The following NCAM2 variants were observed in gnomAD, a reference collection of about 807,000 sequenced individuals.
The protein encoded by NCAM2 is N-CAM-2.
In NCAM2, 30 loss-of-function variants were observed where a neutral mutation model predicts 98.1. The ratio of observed to expected loss-of-function variants is 0.31; its 90% CI spans 0.23 to 0.41. The LOEUF (loss-of-function observed/expected upper bound fraction) is 0.41. Among genes scored for constraint, NCAM2 ranks in the 10% least tolerant of loss-of-function variants. NCAM2 has a pLI of 1.00. For synonymous variants in NCAM2, 368 were observed against 342.4 expected, an observed-to-expected ratio of 1.07 and a Z score of -0.83; for missense variants, 867 against 1,005.8, an observed-to-expected ratio of 0.86 and a Z score of 1.87.
chr21:21,512,698 C>T (rs1055199215), intron 16 of NCAM2, among the ~76,000 whole-genome samples: 13 of 151,856 alleles, frequency 8.6e-5, no homozygotes, highest in African/African-American at 2.9e-4. Flanking sequence ...ATTTTGACAA[C>T]ATTTATTGTT....
intron 8 of NCAM2, 36 bp downstream of exon 8, chr21:21,338,570 C>A: frequency 2.0e-6 from 3 of 1,500,770 alleles, no homozygotes; most frequent in Non-Finnish European, 2.7e-6. Flanking sequence ...TTTCCATTAC[C>A]ATGCAATTTC....
chr21:21,346,993 CA>C, intron 8 of NCAM2, among the ~76,000 whole-genome samples: 1 of 151,294 alleles, frequency 6.6e-6, no homozygotes, highest in South Asian at 2.1e-4. Flanking sequence ...AAACCAAACA[CA>C]AAATTAGTAG....
intron 12 of NCAM2, among the ~76,000 whole-genome samples, chr21:21,458,686 T>C (rs1230677678): frequency 6.6e-6 from 1 of 152,148 alleles, no homozygotes; most frequent in African/African-American, 2.4e-5. Flanking sequence ...CAAATAAAAT[T>C]GTGTTGTTTA....
At chr21:21,394,991 A>G (rs1210166375) in intron 9 of NCAM2, among the ~76,000 whole-genome samples, 1 of 152,126 alleles carries the variant, frequency 6.6e-6, no homozygotes. Flanking sequence ...CAGGTGCTGT[A>G]GAAGAACTGT....
intron 8 of NCAM2, among the ~76,000 whole-genome samples, chr21:21,340,395 T>C (rs569055906): frequency 6.6e-6 from 1 of 152,116 alleles, no homozygotes; most frequent in South Asian, 2.1e-4. Flanking sequence ...AAAGCTGTTA[T>C]ATTTTATTCT....
intron 1 of NCAM2, among the ~76,000 whole-genome samples, chr21:21,185,397 A>G (rs1300431751): frequency 6.6e-6 from 1 of 152,112 alleles, no homozygotes; most frequent in Non-Finnish European, 1.5e-5. Flanking sequence ...TTTCATCTTT[A>G]GCTAACTTTC....
intron 8 of NCAM2, among the ~76,000 whole-genome samples, chr21:21,361,825 C>A (rs888883510): frequency 6.6e-6 from 1 of 152,060 alleles, no homozygotes; most frequent in African/African-American, 2.4e-5. Context: ...TAAGTGGTGT[C>A]TTTTTCTGTT....
chr21:21,325,037 AT>A (rs566188376), intron 6 of NCAM2, among the ~76,000 whole-genome samples: 5 of 128,768 alleles, frequency 3.9e-5, no homozygotes, highest in African/African-American at 9.4e-5. Context: ...TTGATAGTTT[AT>A]TTTTTTAGAA....
At chr21:21,267,201 T>C (rs980682714) in intron 1 of NCAM2, among the ~76,000 whole-genome samples, 1 of 152,188 alleles carries the variant, frequency 6.6e-6, no homozygotes, top group African/African-American at 2.4e-5. Context: ...TAAAGCACTT[T>C]TGATACTATT....
At chr21:21,339,530 G>A (rs1234725804) in intron 8 of NCAM2, among the ~76,000 whole-genome samples, 1 of 151,864 alleles carries the variant, frequency 6.6e-6, no homozygotes, top group African/African-American at 2.4e-5. Context: ...TATAACATTA[G>A]GCTATTACAT....
At chr21:21,478,326 A>G (rs993428120) in intron 15 of NCAM2, among the ~76,000 whole-genome samples, 4 of 152,080 alleles carry the variant, frequency 2.6e-5, no homozygotes, top group African/African-American at 9.7e-5. Flanking sequence ...GTACATATAT[A>G]CAGAAAAGAA....
chr21:21,257,802 C>T (rs186386668), intron 1 of NCAM2, among the ~76,000 whole-genome samples: 347 of 152,224 alleles, frequency 2.3e-3, no homozygotes, highest in African/African-American at 7.9e-3. Context: ...AAGCTGCTCT[C>T]AAATTCCTGA....
At chr21:21,479,322 A>G (rs1039952717) in intron 15 of NCAM2, among the ~76,000 whole-genome samples, 17 of 151,624 alleles carry the variant, frequency 1.1e-4, no homozygotes, top group Admixed American at 5.3e-4. Flanking sequence ...GGTGGCTCAC[A>G]CCTGTAATCC....
At chr21:21,281,936 G>A (rs2072943659) in intron 2 of NCAM2, among the ~76,000 whole-genome samples, 2 of 151,628 alleles carry the variant, frequency 1.3e-5, no homozygotes, top group African/African-American at 4.8e-5. Flanking sequence ...GAGCATATAT[G>A]TATAACATGT....
At chr21:21,305,619 AT>A (rs1306938474) in intron 5 of NCAM2, among the ~76,000 whole-genome samples, 9 of 151,678 alleles carry the variant, frequency 5.9e-5, no homozygotes, top group Non-Finnish European at 5.9e-5. Context: ...TCAATAATGA[AT>A]TTTTCTCTGT....
At chr21:21,087,317 G>T (rs2065924450) in intron 1 of NCAM2, among the ~76,000 whole-genome samples, 1 of 152,084 alleles carries the variant, frequency 6.6e-6, no homozygotes, top group African/African-American at 2.4e-5. Flanking sequence ...ATTGAGATTG[G>T]CCAATGGTGA....
In NCAM2 at chr21:21,076,537, G is replaced by T. The variant is rs530942829; in HGVS notation, c.55+77919G>T. Among the ~76,000 whole-genome samples, 61 of 152,096 alleles carry T rather than the reference G, an allele frequency of 4.0e-4. No homozygotes were observed. The East Asian group carries it at 0.011, about 28-fold the overall frequency. ...CATGCCATTCCCTCTTCCGTCCTTT[G>T]TTTTTTCTCTAATCGTCATTTGTTT... On this transcript the variant is annotated intron_variant, in intron 1 of 17. Coordinates refer to ENST00000400546, the MANE Select transcript of NCAM2 (RefSeq NM_004540.5).
intron 15 of NCAM2, among the ~76,000 whole-genome samples, chr21:21,486,290 C>G (rs973143250): frequency 9.1e-6 from 1 of 109,570 alleles, no homozygotes. Flanking sequence ...GGCAACAGAG[C>G]GAGACTCCGT....
intron 2 of NCAM2, among the ~76,000 whole-genome samples, chr21:21,281,783 G>A (rs576349677): frequency 1.3e-5 from 2 of 151,792 alleles, no homozygotes; most frequent in Admixed American, 6.6e-5. Context: ...GATTAAAATA[G>A]ACACTAGAAA....
Sources: allele counts gnomAD v4.1 joint callset (sites outside exome capture counted in the v4.1 genomes callset), GRCh38; gene constraint gnomAD v4.1.1; transcripts MANE v1.5; gene names NCBI Gene and HGNC (gene_info 2026-07-23, HGNC 2026-07-21).